The following CDH4 variants were observed in gnomAD, a reference collection of about 807,000 sequenced individuals.
CDH4 encodes cadherin 4.
CDH4 carries 33 observed loss-of-function variants against 86.0 expected under a neutral mutation model. That is an observed-to-expected ratio of 0.38 (90% CI 0.29 to 0.51). The LOEUF (loss-of-function observed/expected upper bound fraction) is 0.51. Among genes scored for constraint, CDH4 ranks in the 20% least tolerant of loss-of-function variants. CDH4 has a pLI of 0.86. For synonymous variants in CDH4, 555 were observed against 549.4 expected (o/e 1.01, Z -0.14); for missense variants, 1,114 against 1,307.4 (o/e 0.85, Z 2.28).
chr20:61,753,388 C>T (rs2088522348), intron 3 of CDH4, among the ~76,000 whole-genome samples: 2 of 152,216 alleles, frequency 1.3e-5, no homozygotes, highest in Admixed American at 6.5e-5. Flanking sequence ...CAACTTTTCT[C>T]CTTCTTTTGT....
chr20:61,878,415 G>A (rs1041716126), intron 7 of CDH4, among the ~76,000 whole-genome samples: 3 of 152,352 alleles, frequency 2.0e-5, no homozygotes, highest in Non-Finnish European at 4.4e-5. Context: ...AGGGCTTCTC[G>A]TGAGCAGAAC....
At position 61,908,939 on chromosome 20, in the gene CDH4, G is replaced by A. The variant is rs568222757; in HGVS notation, c.1189-1483G>A. Among the ~76,000 whole-genome samples, 20 of 152,322 alleles carry A rather than the reference G, an allele frequency of 1.3e-4. No individual in the cohort carries two copies. In the South Asian group the frequency reaches 2.7e-3, roughly 20 times the overall value. On this transcript the variant is annotated intron_variant, in intron 8 of 15. Transcript: ENST00000614565. ...GTTTGCTGCACCTGAGGGCTTCTCCGTGACTCCTGGCTGAGGGCAGGTGTG... is the reference window on the plus strand; with the variant it reads ...GTTTGCTGCACCTGAGGGCTTCTCCATGACTCCTGGCTGAGGGCAGGTGTG...
intron 7 of CDH4, among the ~76,000 whole-genome samples, chr20:61,894,378 A>G (rs1414349681): frequency 6.6e-6 from 1 of 152,242 alleles, no homozygotes; most frequent in Non-Finnish European, 1.5e-5. Flanking sequence ...CTGCTTTTCC[A>G]GCAGAAAGCA....
intron 2 of CDH4, among the ~76,000 whole-genome samples, chr20:61,526,507 T>C (rs1354923111): frequency 6.6e-6 from 1 of 151,976 alleles, no homozygotes; most frequent in Non-Finnish European, 1.5e-5. Context: ...TTTTTTAATT[T>C]ATTATTATAC....
intron 2 of CDH4, among the ~76,000 whole-genome samples, chr20:61,359,772 T>A (rs1165401817): frequency 6.6e-6 from 1 of 152,114 alleles, no homozygotes; most frequent in Non-Finnish European, 1.5e-5. Flanking sequence ...AAAGCCAGGC[T>A]GTGGGGGAGA....
intron 3 of CDH4, among the ~76,000 whole-genome samples, chr20:61,753,298 C>G (rs1024204367): frequency 1.3e-5 from 2 of 152,162 alleles, no homozygotes; most frequent in South Asian, 2.1e-4. Context: ...AGTGCCGCCT[C>G]CTCTGTCCAT....
Position 61,939,377 on chromosome 20 carries a change from CTT to C in CDH4, c.*2435_*2436del, listed in dbSNP as rs1378136993. 1 of 152,332 alleles carries C rather than the reference CTT, an allele frequency of 6.6e-6. No homozygotes were observed. The highest frequency in any genetic ancestry group is 1.5e-5 in the Non-Finnish European group (1 of 68,086). The allele number at this position is 152,332 out of a possible 1,614,324, so 9.4% of individuals were successfully genotyped here. On this transcript the variant is annotated 3_prime_UTR_variant, in exon 16 of 16. Transcript: ENST00000614565. ...AGCTCCCCCTCCTCGCCCACAGCCTCTTGTCACTGCCAAGCCCCCGTTCCTTT... is the reference window on the plus strand; with the variant it reads ...AGCTCCCCCTCCTCGCCCACAGCCTCGTCACTGCCAAGCCCCCGTTCCTTT...
chr20:61,540,412 A>G (rs61016067), intron 2 of CDH4, among the ~76,000 whole-genome samples: 26,561 of 152,078 alleles, frequency 0.17, 2,683 homozygotes, highest in East Asian at 0.43. Flanking sequence ...CTCACATGAT[A>G]GGAGGGAAGT....
chr20:61,817,291 C>A (rs922037298), intron 4 of CDH4, among the ~76,000 whole-genome samples: 3 of 152,142 alleles, frequency 2.0e-5, no homozygotes, highest in Non-Finnish European at 4.4e-5. Context: ...CCCAGCCCCG[C>A]TAGGTCCCGG....
chr20:61,364,028 T>C (rs896156821), intron 2 of CDH4, among the ~76,000 whole-genome samples: 2 of 152,192 alleles, frequency 1.3e-5, no homozygotes, highest in Non-Finnish European at 2.9e-5. Context: ...TCTAAATTGC[T>C]TGTGGCCAGC....
intron 2 of CDH4, among the ~76,000 whole-genome samples, chr20:61,631,327 G>C (rs1421332099): frequency 6.6e-6 from 1 of 152,214 alleles, no homozygotes; most frequent in Non-Finnish European, 1.5e-5. Context: ...CAAGTTCGGT[G>C]GGGCTTGGTT....
intron 3 of CDH4, among the ~76,000 whole-genome samples, chr20:61,744,398 T>G (rs1422037105): frequency 2.5e-3 from 209 of 84,592 alleles, no homozygotes; most frequent in Middle Eastern, 8.3e-3. Context: ...GGGAGAGAGA[T>G]GGAAAGAGGT....
chr20:61,490,437 A>G (rs1446646545), intron 2 of CDH4, among the ~76,000 whole-genome samples: 2 of 152,206 alleles, frequency 1.3e-5, no homozygotes, highest in East Asian at 3.9e-4. Flanking sequence ...GCAGTGGCTC[A>G]TGCCTGTAAT....
chr20:61,657,081 A>C (rs1047589135), intron 2 of CDH4, among the ~76,000 whole-genome samples: 4 of 152,208 alleles, frequency 2.6e-5, no homozygotes, highest in African/African-American at 9.7e-5. Context: ...ATATTTGAGC[A>C]AATCTAATGA....
chr20:61,786,383 G>A (rs1341682332), intron 4 of CDH4, among the ~76,000 whole-genome samples: 2 of 152,114 alleles, frequency 1.3e-5, no homozygotes, highest in Non-Finnish European at 2.9e-5. Context: ...CAGACACAGC[G>A]CTGAGACCCA....
At position 61,822,601 on chromosome 20, in the gene CDH4, G is replaced by A. The variant is rs574628946; in HGVS notation, c.577-22067G>A. On this transcript the variant is annotated intron_variant, in intron 4 of 15. Transcript: ENST00000614565. ...GGTGCCAGGTGAGGGACACCATGGCGTCATCTGAGGGTGGAGCAGTCAGTG... is the reference window on the plus strand; with the variant it reads ...GGTGCCAGGTGAGGGACACCATGGCATCATCTGAGGGTGGAGCAGTCAGTG... Among the ~76,000 whole-genome samples, 10 of 152,312 alleles carry A rather than the reference G, an allele frequency of 6.6e-5. No individual in the cohort carries two copies. The South Asian group carries it at 1.4e-3, about 22-fold the overall frequency.
At position 61,269,067 on chromosome 20, in the gene CDH4, C is replaced by T. The variant is rs777102046; in HGVS notation, c.169+14130C>T. On this transcript the variant is annotated intron_variant, in intron 2 of 15. Transcript: ENST00000614565. This position sits in a 1 kb window ranked among gnomAD's most constrained non-coding sequence, Gnocchi z 5.3. Reference sequence around the variant, plus strand: ...AAAGCCCTGTGGTGGTCCTGGGGCTCGGCCCCACTTGAGGGGTTAACAGCA... The same window carrying T: ...AAAGCCCTGTGGTGGTCCTGGGGCTTGGCCCCACTTGAGGGGTTAACAGCA... 2.6e-5 allele frequency among the ~76,000 whole-genome samples: 4 copies of T among 152,288 alleles called. No individual in the cohort carries two copies. Among genetic ancestry groups the T allele is most frequent in the Admixed American group, 1.3e-4 (2 of 15,302 alleles).
chr20:61,718,901 T>C, intron 2 of CDH4: 1 of 471,062 alleles, frequency 2.1e-6, no homozygotes, highest in South Asian at 1.6e-5. Flanking sequence ...TGTCTGCTGC[T>C]TGTTGGAGCT....
At chr20:61,731,475 C>T (rs1396679458) in intron 2 of CDH4, among the ~76,000 whole-genome samples, 2 of 152,164 alleles carry the variant, frequency 1.3e-5, no homozygotes, top group East Asian at 1.9e-4. Flanking sequence ...ACTCACTGGG[C>T]AGGGCCCATA....
Sources: allele counts gnomAD v4.1 joint callset (sites outside exome capture counted in the v4.1 genomes callset), GRCh38; gene constraint gnomAD v4.1.1; non-coding constraint Gnocchi (gnomAD v3.1); transcripts MANE v1.5; gene names NCBI Gene and HGNC (gene_info 2026-07-23, HGNC 2026-07-21).